CYTH2: variants seen among roughly 807,000 people sequenced by gnomAD.
The protein encoded by CYTH2 is cytohesin-2.
A neutral mutation model predicts 55.4 loss-of-function variants in CYTH2; 24 were observed. The observed-to-expected ratio is 0.43, with a 90% CI of 0.31 to 0.61. The LOEUF (loss-of-function observed/expected upper bound fraction) is 0.61, where lower values mean the gene tolerates loss of function less well. CYTH2 is among the 20% of genes least tolerant of loss of function. The pLI is 0.08. For missense variants in CYTH2, 378 were observed against 533.5 expected (o/e 0.71, Z 2.87); for synonymous variants, 221 against 209.6 (o/e 1.05, Z -0.47).
intron 1 of CYTH2, 73 bp from the exon 2 acceptor site, chr19:48,470,280 C>T (rs1184536121): frequency 3.9e-6 from 6 of 1,533,896 alleles, no homozygotes; most frequent in East Asian, 2.3e-5. Flanking sequence ...CCAGCTCTGT[C>T]CGCCCCCAGA....
At chr19:48,469,704 C>A (rs1416498379) in intron 1 of CYTH2, 178 bp downstream of exon 1, 11 of 977,460 alleles carry the variant, frequency 1.1e-5, no homozygotes, top group African/African-American at 1.7e-5. Flanking sequence ...GAAAGCCGGG[C>A]GTTCCAGGCC....
intron 8 of CYTH2, chr19:48,476,846 C>T (rs1971924820): frequency 6.6e-6 from 1 of 152,214 alleles, no homozygotes; most frequent in Non-Finnish European, 1.5e-5. Context: ...ATTGCAAATC[C>T]AGCCTGGACG....
In CYTH2 at chr19:48,472,358, C is replaced by T; in HGVS notation, c.268C>T (p.Gln90Ter). ...GTTCTTGGTGGAGAATGAACTGCTGCAGAACACACCCGAGGAGATCGCCCG... is the reference window on the plus strand; with the variant it reads ...GTTCTTGGTGGAGAATGAACTGCTGTAGAACACACCCGAGGAGATCGCCCG... ...IQFLVENELLQNTPEEIARFL... is the reference protein window; with the variant it reads ...IQFLVENELL The change falls in exon 4 of 12, where the codon CAG becomes TAG. Residue 90 changes from glutamine (Q) to a stop codon, truncating the protein, a stop_gained. Coordinates refer to ENST00000452733, the MANE Select transcript of CYTH2 (RefSeq NM_004228.7). LOFTEE classifies it high-confidence loss of function. The T allele has an allele frequency of 1.9e-6, 3 of 1,614,040 alleles. No individual in the cohort carries two copies. Among genetic ancestry groups the T allele is most frequent in the Non-Finnish European group, 2.5e-6 (3 of 1,180,004 alleles).
At position 48,473,886 on chromosome 19, in the gene CYTH2, T is replaced by C. The variant is rs1398844225; in HGVS notation, c.435-19T>C. 1.9e-6 allele frequency: 3 copies of C among 1,583,304 alleles called. No individual in the cohort carries two copies. Among genetic ancestry groups the C allele is most frequent in the African/African-American group, 1.4e-5 (1 of 74,026 alleles). ...TCCCACCAGCCCTGGCATCCATTCC[T>C]GGCCCCTCCCCAACCCAGGCAGTTT... On this transcript the variant is annotated intron_variant, in intron 5 of 11. Transcript: ENST00000452733.
chr19:48,472,273 A>C, intron 3 of CYTH2, 52 bp from the exon 4 acceptor site: 1 of 1,545,128 alleles, frequency 6.5e-7, no homozygotes. Context: ...CAGGGAGGTG[A>C]GTGGGGTGGC....
chr19:48,473,249 C>A, intron 4 of CYTH2, 49 bp from the exon 5 acceptor site: 6 of 1,601,946 alleles, frequency 3.7e-6, no homozygotes, highest in Non-Finnish European at 5.1e-6. Context: ...TTTGCCCATT[C>A]CTGCCCCATC....
chr19:48,473,679 A>C, intron 5 of CYTH2: 1 of 598,110 alleles, frequency 1.7e-6, no homozygotes, highest in Admixed American at 3.0e-5. Context: ...ACCAACCCCC[A>C]GACCTGTCTA....
intron 11 of CYTH2, among the ~76,000 whole-genome samples, 157 bp downstream of exon 11, chr19:48,478,749 T>G (rs112511683): frequency 0.02 from 2,023 of 99,304 alleles, 44 homozygotes; most frequent in Middle Eastern, 0.12. Flanking sequence ...GGGCCTGGAC[T>G]CCTGGGTCTG....
In CYTH2 at chr19:48,474,808, C is replaced by G; in HGVS notation, c.697-30C>G. The G allele has an allele frequency of 1.2e-6, 2 of 1,610,900 alleles. No individual in the cohort carries two copies. The highest frequency in any genetic ancestry group is 2.2e-5 in the South Asian group (2 of 90,978). On this transcript the variant is annotated intron_variant, in intron 7 of 11. Coordinates refer to ENST00000452733, the MANE Select transcript of CYTH2 (RefSeq NM_004228.7). This position sits in a 1 kb window ranked among gnomAD's most constrained non-coding sequence, Gnocchi z 4.9. ...TAACCCTGGGGGGCCCCAGGGGGCT[C>G]GAATGGCTAATGCAGCCTTTACTCC...
rs368744490 is a variant in CYTH2, at chr19:48,471,230, C to T, written c.234+561C>T. Among the ~76,000 whole-genome samples, 6 of 151,590 alleles carry T rather than the reference C, an allele frequency of 4.0e-5. No individual in the cohort carries two copies. In the South Asian group the frequency reaches 8.3e-4, roughly 21 times the overall value. Reference sequence around the variant, plus strand: ...AGGCTGGAGTGCAGCGATGTGATCTCGGCTCACTAACCTCCGCCTCCTGCG... The same window carrying T: ...AGGCTGGAGTGCAGCGATGTGATCTTGGCTCACTAACCTCCGCCTCCTGCG... On this transcript the variant is annotated intron_variant, in intron 3 of 11. Transcript: ENST00000452733.
chr19:48,478,446 T>G lies in CYTH2; in HGVS notation c.966T>G (p.Phe322Leu), dbSNP rs1971967200. ...TCCTCTCTCGTCCCCAGAACTGCTTTGAACTTTACATCCCCAACAACAAGG... is the reference window on the plus strand; with the variant it reads ...TCCTCTCTCGTCCCCAGAACTGCTTGGAACTTTACATCCCCAACAACAAGG... ...EVDDPRKPNC[F>L]ELYIPNNKGQ... is the part of the protein sequence containing the mutation. Residue 322 changes from phenylalanine to leucine, a missense_variant, in exon 11 of 12, where the codon TTT becomes TTG. Phe to Leu is a conservative substitution (Grantham distance 22). Coordinates refer to ENST00000452733, the MANE Select transcript of CYTH2 (RefSeq NM_004228.7). 6.2e-7 allele frequency: 1 copy of G among 1,614,038 alleles called. No homozygotes were observed. The highest frequency in any genetic ancestry group is 1.7e-5 in the Admixed American group (1 of 59,992).
rs1972020902 is a variant in CYTH2 at position 48,480,171 on chromosome 19, G to A, written c.*961G>A. The A allele has an allele frequency of 6.6e-6, 1 of 152,254 alleles. No individual in the cohort carries two copies. The highest frequency in any genetic ancestry group is 2.4e-5 in the African/African-American group (1 of 41,456). The allele number at this position is 152,254 out of a possible 1,614,324, so 9.4% of individuals were successfully genotyped here. On this transcript the variant is annotated 3_prime_UTR_variant, in exon 12 of 12. Coordinates refer to ENST00000452733, the MANE Select transcript of CYTH2 (RefSeq NM_004228.7). The stretch of plus-strand genomic sequence containing the variant: ...GCCCTCCAGTTGGGGTATGTGTGGT[G>A]TCCCCAAAGAACAAGGGCTCGTGGA...
chr19:48,478,041 A>G (rs1971954466), intron 8 of CYTH2, 28 bp from the exon 9 acceptor site: 15 of 1,604,494 alleles, frequency 9.3e-6, no homozygotes, highest in Non-Finnish European at 1.3e-5. Flanking sequence ...TGTTGAGCCC[A>G]GGCCCCCTCC....
chr19:48,474,723 C>T lies in CYTH2; in HGVS notation c.697-115C>T, dbSNP rs1418966748. 5.9e-6 allele frequency: 5 copies of T among 844,882 alleles called. No individual in the cohort carries two copies. The highest frequency in any genetic ancestry group is 7.8e-6 in the Non-Finnish European group (4 of 514,722). 52.3% of individuals were successfully genotyped at this position (844,882 alleles called of 1,614,324 possible). On this transcript the variant is annotated intron_variant, in intron 7 of 11. Coordinates refer to ENST00000452733, the MANE Select transcript of CYTH2 (RefSeq NM_004228.7). This position sits in a 1 kb window ranked among gnomAD's most constrained non-coding sequence, Gnocchi z 4.9. The stretch of plus-strand genomic sequence containing the variant: ...TTCACTTCCCTCTCCTCCCCACTAC[C>T]CCTCTCTCTTCCCCACTATGAGTCA...
At chr19:48,472,471 G>GCCCCACCCA in intron 4 of CYTH2, 28 bp downstream of exon 4, 1 of 1,584,672 alleles carries the variant, frequency 6.3e-7, no homozygotes, top group Non-Finnish European at 8.6e-7. Flanking sequence ...CTCCTGTGGG[G>GCCCCACCCA]CCCCTCCCTC....
chr19:48,470,619 AACC>A lies in CYTH2; in HGVS notation c.185_187del (p.Asn62del). 1 of 1,614,244 alleles carries A rather than the reference AACC, an allele frequency of 6.2e-7. No individual in the cohort carries two copies. The highest frequency in any genetic ancestry group is 8.5e-7 in the Non-Finnish European group (1 of 1,180,050). Reference sequence around the variant, plus strand: ...CTCCTGCAGTAAGACCTTGCAACGGAACCGGAAGATGGCAATGGGCAGGAAGAA... The same window carrying A: ...CTCCTGCAGTAAGACCTTGCAACGGAGGAAGATGGCAATGGGCAGGAAGAA... On this transcript the variant is annotated inframe_deletion, in exon 3 of 12. Coordinates refer to ENST00000452733, the MANE Select transcript of CYTH2 (RefSeq NM_004228.7).
intron 3 of CYTH2, among the ~76,000 whole-genome samples, chr19:48,471,923 G>A (rs1432026742): frequency 1.3e-5 from 2 of 152,082 alleles, no homozygotes; most frequent in Admixed American, 1.3e-4. Context: ...AGGTGTGTTG[G>A]GGCATGCCTA....
In CYTH2 at chr19:48,474,529, A is replaced by G. The variant is rs991152666; in HGVS notation, c.696+199A>G. On this transcript the variant is annotated intron_variant, in intron 7 of 11. Transcript: ENST00000452733. This position sits in a 1 kb window ranked among gnomAD's most constrained non-coding sequence, Gnocchi z 4.9. Reference sequence around the variant, plus strand: ...GTCTCTCTCAGGCTTTGGCCCTGACAATTTTGGCCTGTCTGTCTTCTCTGT... The same window carrying G: ...GTCTCTCTCAGGCTTTGGCCCTGACGATTTTGGCCTGTCTGTCTTCTCTGT... 1.3e-5 allele frequency among the ~76,000 whole-genome samples: 2 copies of G among 151,880 alleles called. No individual in the cohort carries two copies. The highest frequency in any genetic ancestry group is 2.4e-5 in the African/African-American group (1 of 41,336).
chr19:48,478,018 G>C, intron 8 of CYTH2, 51 bp from the exon 9 acceptor site: 1 of 1,488,722 alleles, frequency 6.7e-7, no homozygotes, highest in Non-Finnish European at 9.3e-7. Flanking sequence ...ATCTCCCAGA[G>C]GCCCTGTCCC....
Sources: gnomAD v4.1 joint callset for allele counts (sites outside exome capture counted in the v4.1 genomes callset) on GRCh38, gnomAD v4.1.1 for gene constraint, Gnocchi (gnomAD v3.1) non-coding constraint, MANE v1.5 for transcripts, NCBI Gene and HGNC (gene_info 2026-07-23, HGNC 2026-07-21) for gene names.